The following ZNF385D variants were observed in gnomAD, a reference collection of about 807,000 sequenced individuals.
The protein encoded by ZNF385D is zinc finger protein 385D.
ZNF385D carries 15 observed loss-of-function variants against 35.8 expected under a neutral mutation model. The observed-to-expected ratio is 0.42, with a 90% CI of 0.28 to 0.64. The LOEUF is 0.64. Among genes scored for constraint, ZNF385D ranks in the 30% least tolerant of loss-of-function variants. ZNF385D has a pLI of 0.23. For synonymous variants in ZNF385D, 212 were observed against 186.8 expected (o/e 1.13, Z -1.10); for missense variants, 474 against 494.6 (o/e 0.96, Z 0.39).
intron 4 of ZNF385D, among the ~76,000 whole-genome samples, chr3:21,504,404 A>G (rs1706618394): frequency 6.6e-6 from 1 of 152,164 alleles, no homozygotes; most frequent in African/African-American, 2.4e-5. Flanking sequence ...CCACCTATAC[A>G]CAAATACAAA....
chr3:21,994,063 A>C (rs1236120460), intron 3 of ZNF385D, among the ~76,000 whole-genome samples: 2 of 152,172 alleles, frequency 1.3e-5, no homozygotes, highest in Non-Finnish European at 2.9e-5. Context: ...AAACCTACAC[A>C]AAGTCCCTTC....
chr3:22,157,383 C>A (rs1291945548), intron 3 of ZNF385D, among the ~76,000 whole-genome samples: 3 of 152,008 alleles, frequency 2.0e-5, no homozygotes, highest in East Asian at 3.9e-4. Flanking sequence ...GCTTAGCAGA[C>A]CCGTTGTCTT....
intron 2 of ZNF385D, among the ~76,000 whole-genome samples, chr3:21,627,197 T>G (rs1213740198): frequency 1.3e-5 from 2 of 151,610 alleles, no homozygotes; most frequent in African/African-American, 2.4e-5. Flanking sequence ...ATGTCTTTAC[T>G]TGGCAAAATT....
intron 3 of ZNF385D, among the ~76,000 whole-genome samples, chr3:22,100,963 T>C (rs565200583): frequency 1.3e-5 from 2 of 152,176 alleles, no homozygotes; most frequent in East Asian, 3.9e-4. Flanking sequence ...CAACATTTTA[T>C]TGAATATAAA....
intron 3 of ZNF385D, among the ~76,000 whole-genome samples, chr3:21,762,949 G>C (rs1188330117): frequency 6.6e-6 from 1 of 152,086 alleles, no homozygotes; most frequent in Non-Finnish European, 1.5e-5. Context: ...TGCTGACCTA[G>C]AGCCCTCCCT....
chr3:21,688,111 C>G (rs1401585427), intron 1 of ZNF385D, among the ~76,000 whole-genome samples: 5 of 152,056 alleles, frequency 3.3e-5, no homozygotes, highest in Non-Finnish European at 1.5e-5. Flanking sequence ...TTTTTGGTGT[C>G]TCTACTATTA....
chr3:22,326,069 C>G (rs191659787), intron 2 of ZNF385D, among the ~76,000 whole-genome samples: 8 of 152,134 alleles, frequency 5.3e-5, no homozygotes, highest in African/African-American at 1.9e-4. Context: ...TTTCCTTTCC[C>G]CTCTCTCTTC....
chr3:21,461,619 A>G (rs897966925), intron 4 of ZNF385D, among the ~76,000 whole-genome samples: 10 of 152,240 alleles, frequency 6.6e-5, no homozygotes, highest in African/African-American at 2.4e-4. Context: ...AGACTATTTA[A>G]GACAGCAATC....
intron 3 of ZNF385D, among the ~76,000 whole-genome samples, chr3:21,758,975 CAAAAAAAAAAAAAAAAAAAA>C (rs58450064): frequency 0.015 from 429 of 29,244 alleles, 13 homozygotes; most frequent in African/African-American, 0.053. Flanking sequence ...TCATCACTGG[CAAAAAAAAAAAAAAAAAAAA>C]AAAAAAAAAA....
intron 3 of ZNF385D, among the ~76,000 whole-genome samples, chr3:21,941,106 C>A (rs1701494582): frequency 6.6e-6 from 1 of 152,166 alleles, no homozygotes; most frequent in South Asian, 2.1e-4. Flanking sequence ...ACTTTGTATT[C>A]TGTAGAAAAC....
chr3:22,284,476 C>A (rs1701925805), intron 2 of ZNF385D, among the ~76,000 whole-genome samples: 1 of 151,940 alleles, frequency 6.6e-6, no homozygotes, highest in Admixed American at 6.6e-5. Flanking sequence ...AGGCATGAGC[C>A]ACTGCACCTG....
intron 3 of ZNF385D, chr3:21,978,109 T>G (rs1347793722): frequency 6.9e-6 from 1 of 144,722 alleles, no homozygotes; most frequent in Non-Finnish European, 1.6e-5. Context: ...TAAACTACTT[T>G]TACCCTGTTC....
intron 3 of ZNF385D, among the ~76,000 whole-genome samples, chr3:22,121,088 A>G (rs185588125): frequency 6.6e-6 from 1 of 152,330 alleles, no homozygotes; most frequent in East Asian, 1.9e-4. Context: ...GTTGTTGCCT[A>G]CTGTGAATTA....
intron 3 of ZNF385D, among the ~76,000 whole-genome samples, chr3:22,009,518 G>A (rs553021675): frequency 1.3e-5 from 2 of 151,688 alleles, no homozygotes; most frequent in East Asian, 3.9e-4. Flanking sequence ...AGCTACTCGG[G>A]AGGCTGAGTC....
intron 2 of ZNF385D, among the ~76,000 whole-genome samples, chr3:22,240,705 G>A (rs890616112): frequency 6.6e-6 from 1 of 150,952 alleles, no homozygotes; most frequent in Admixed American, 6.6e-5. Flanking sequence ...GTCAGGCAAA[G>A]GATGTTAGAC....
Position 21,834,955 on chromosome 3 carries a change from C to A in ZNF385D, c.326-169927G>T, listed in dbSNP as rs542243442. On this transcript the variant is annotated intron_variant, in intron 3 of 5. Coordinates refer to the ZNF385D transcript ENST00000494108. ...ATGTAGAATGGTGAGTCAATTGAAT[C>A]TCTTTTCTTTATAAATTACCCAGTC... Among the ~76,000 whole-genome samples the A allele has an allele frequency of 4.8e-4, 73 of 152,252 alleles. 1 individual carries two copies. Among genetic ancestry groups the A allele is most frequent in the African/African-American group, 1.7e-3 (69 of 41,570 alleles).
At chr3:21,655,088 A>T (rs2066034106) in intron 2 of ZNF385D, among the ~76,000 whole-genome samples, 1 of 151,882 alleles carries the variant, frequency 6.6e-6, no homozygotes, top group Non-Finnish European at 1.5e-5. Flanking sequence ...AAGGGCAAAG[A>T]AATCACCTTG....
At chr3:21,447,425 T>C (rs1431690282) in intron 4 of ZNF385D, among the ~76,000 whole-genome samples, 2 of 152,158 alleles carry the variant, frequency 1.3e-5, no homozygotes, top group Non-Finnish European at 2.9e-5. Context: ...AGGAAAAAAA[T>C]ACTGCATGCT....
At chr3:22,172,146 C>A (rs1210809850) in intron 2 of ZNF385D, among the ~76,000 whole-genome samples, 5 of 152,156 alleles carry the variant, frequency 3.3e-5, no homozygotes, top group East Asian at 1.9e-4. Flanking sequence ...CTAACCTTCA[C>A]CCCTCAGAAC....
Sources: allele counts gnomAD v4.1 joint callset (sites outside exome capture counted in the v4.1 genomes callset), GRCh38; gene constraint gnomAD v4.1.1; transcripts MANE v1.5; gene names NCBI Gene and HGNC (gene_info 2026-07-23, HGNC 2026-07-21).